The following ATP5PO variants were observed in gnomAD, a reference collection of about 807,000 sequenced individuals.
The protein encoded by ATP5PO is ATP synthase peripheral stalk subunit OSCP, mitochondrial.
ATP5PO carries 14 observed loss-of-function variants against 26.2 expected under a neutral mutation model. That is an observed-to-expected ratio of 0.53 (90% CI 0.35 to 0.83). The LOEUF is 0.83. ATP5PO is among the 40% of genes least tolerant of loss of function. The probability of loss-of-function intolerance (pLI) is 0.01; values close to 1 mark genes in which losing one functional copy is unlikely to be tolerated. For missense variants in ATP5PO, 241 were observed against 258.5 expected (o/e 0.93, Z 0.46); for synonymous variants, 106 against 95.1 (o/e 1.12, Z -0.67).
intron 5 of ATP5PO, 69 bp from the exon 6 acceptor site, chr21:33,904,090 A>G: frequency 7.2e-7 from 1 of 1,381,992 alleles, no homozygotes; most frequent in Non-Finnish European, 1.0e-6. Flanking sequence ...AAAATACCCC[A>G]GGCCCACATC....
chr21:33,908,515 C>T (rs1391052471), intron 4 of ATP5PO, among the ~76,000 whole-genome samples: 3 of 152,106 alleles, frequency 2.0e-5, no homozygotes, highest in East Asian at 3.9e-4. Flanking sequence ...CAAGACCAGG[C>T]TGGGCAACAT....
intron 3 of ATP5PO, among the ~76,000 whole-genome samples, chr21:33,909,455 G>A (rs1199344480): frequency 1.3e-5 from 2 of 152,078 alleles, no homozygotes; most frequent in Non-Finnish European, 2.9e-5. Context: ...TAGTAGAAAC[G>A]GGGTTTCGCC....
chr21:33,904,881 C>T (rs1987148377), intron 5 of ATP5PO, among the ~76,000 whole-genome samples: 1 of 152,148 alleles, frequency 6.6e-6, no homozygotes, highest in South Asian at 2.1e-4. Flanking sequence ...GCTGGAATTA[C>T]AGGCGCATGC....
chr21:33,904,125 T>G, intron 5 of ATP5PO, 104 bp from the exon 6 acceptor site: 1 of 934,240 alleles, frequency 1.1e-6, no homozygotes, highest in Non-Finnish European at 1.6e-6. Context: ...TGTGAGCTCC[T>G]CCCTTTGCTA....
At chr21:33,905,171 G>C (rs867263110) in intron 5 of ATP5PO, among the ~76,000 whole-genome samples, 1 of 152,048 alleles carries the variant, frequency 6.6e-6, no homozygotes, top group Non-Finnish European at 1.5e-5. Context: ...GGGGTGGGGG[G>C]TGCTGGTGGT....
chr21:33,904,857 C>T (rs1987148148), intron 5 of ATP5PO, among the ~76,000 whole-genome samples: 1 of 152,190 alleles, frequency 6.6e-6, no homozygotes, highest in African/African-American at 2.4e-5. Context: ...TCTCCTGCCT[C>T]AGCTTCCCAA....
chr21:33,911,765 C>T (rs972791605), intron 3 of ATP5PO, among the ~76,000 whole-genome samples: 1 of 141,736 alleles, frequency 7.1e-6, no homozygotes, highest in African/African-American at 2.6e-5. Flanking sequence ...TTCCCAGGTT[C>T]AAGCAATTCT....
intron 2 of ATP5PO, among the ~76,000 whole-genome samples, chr21:33,912,844 C>T (rs1987266733): frequency 1.3e-5 from 2 of 152,356 alleles, no homozygotes; most frequent in South Asian, 4.1e-4. Context: ...TACTTTTATA[C>T]ATTTCATACT....
chr21:33,914,419 T>G (rs1192186571), intron 2 of ATP5PO, 31 bp downstream of exon 2: 5 of 1,601,622 alleles, frequency 3.1e-6, no homozygotes, highest in Non-Finnish European at 3.4e-6. Flanking sequence ...TCGCGTACTT[T>G]ATCATTACAG....
intron 2 of ATP5PO, among the ~76,000 whole-genome samples, chr21:33,914,197 A>G (rs1248482693): frequency 2.0e-5 from 3 of 151,796 alleles, no homozygotes; most frequent in Non-Finnish European, 4.4e-5. Context: ...TAGCTTGCCT[A>G]TTTTAGAGGG....
At chr21:33,907,625 GGCCATGAGTTCAAGACCA>G (rs1015651309) in intron 4 of ATP5PO, among the ~76,000 whole-genome samples, 172 bp from the exon 5 acceptor site, 2 of 152,082 alleles carry the variant, frequency 1.3e-5, no homozygotes, top group African/African-American at 4.8e-5. Context: ...GATTGCTTGG[GGCCATGAGTTCAAGACCA>G]GCCAAAATAG....
intron 3 of ATP5PO, among the ~76,000 whole-genome samples, chr21:33,911,073 G>A (rs980907461): frequency 4.6e-5 from 7 of 152,184 alleles, no homozygotes; most frequent in Admixed American, 4.6e-4. Flanking sequence ...TTCCTCTGAA[G>A]AGGCTATATA....
Position 33,914,610 on chromosome 21 carries a change from CT to C in ATP5PO, c.37-111del. Reference sequence around the variant, plus strand: ...ATAACCTTAAAATCATTACTTTTGTCTCTTTGTATATTCACATATTACATGA... The same window carrying C: ...ATAACCTTAAAATCATTACTTTTGTCCTTTGTATATTCACATATTACATGA... On this transcript the variant is annotated intron_variant, in intron 1 of 6. Coordinates refer to ENST00000290299, the MANE Select transcript of ATP5PO (RefSeq NM_001697.3). 1.8e-5 allele frequency: 18 copies of C among 1,017,384 alleles called. No individual in the cohort carries two copies. In the South Asian group the frequency reaches 2.7e-4, roughly 15 times the overall value. 63.0% of individuals were successfully genotyped at this position (1,017,384 alleles called of 1,614,324 possible). A position where few individuals can be genotyped will look rare whatever the true frequency, so the allele number is the denominator to read the frequency against.
At chr21:33,909,619 G>A (rs1485532567) in intron 3 of ATP5PO, among the ~76,000 whole-genome samples, 3 of 152,036 alleles carry the variant, frequency 2.0e-5, no homozygotes, top group South Asian at 2.1e-4. Flanking sequence ...TAGCACTGCC[G>A]AAGAACATAT....
In ATP5PO at chr21:33,915,601, AG is replaced by A. The variant is rs980108939; in HGVS notation, c.36+126del. Reference sequence around the variant, plus strand: ...TCGTCCTGAGTCGCTCCCACTCGCCAGGTCCCATAACCTTGAAGACTGCCAG... The same window carrying A: ...TCGTCCTGAGTCGCTCCCACTCGCCAGTCCCATAACCTTGAAGACTGCCAG... On this transcript the variant is annotated intron_variant, in intron 1 of 6. Coordinates refer to ENST00000290299, the MANE Select transcript of ATP5PO (RefSeq NM_001697.3). 2.0e-5 allele frequency: 27 copies of A among 1,382,484 alleles called. No homozygotes were observed. In the African/African-American group the frequency reaches 2.9e-4, roughly 15 times the overall value. 85.6% of individuals were successfully genotyped at this position (1,382,484 alleles called of 1,614,324 possible).
chr21:33,910,825 G>A (rs1360836418), intron 3 of ATP5PO, among the ~76,000 whole-genome samples: 1 of 152,172 alleles, frequency 6.6e-6, no homozygotes, highest in Non-Finnish European at 1.5e-5. Context: ...GGAATATGGA[G>A]CTAAAATTAT....
At chr21:33,911,751 C>T (rs1378227030) in intron 3 of ATP5PO, among the ~76,000 whole-genome samples, 3 of 146,056 alleles carry the variant, frequency 2.1e-5, no homozygotes, top group African/African-American at 5.1e-5. Context: ...ACTGCAACCT[C>T]GGCTTCCCAG....
intron 2 of ATP5PO, among the ~76,000 whole-genome samples, chr21:33,913,105 T>G (rs114351306): frequency 0.024 from 3,580 of 152,310 alleles, 100 homozygotes; most frequent in African/African-American, 0.075. Context: ...CTCAGGTAAA[T>G]TTTCCCAGGG....
At chr21:33,907,812 C>G (rs1385525707) in intron 4 of ATP5PO, among the ~76,000 whole-genome samples, 1 of 152,008 alleles carries the variant, frequency 6.6e-6, no homozygotes, top group African/African-American at 2.4e-5. Flanking sequence ...GGCGACAGAG[C>G]AAGATCTTGT....
Sources: gnomAD v4.1 joint callset for allele counts (sites outside exome capture counted in the v4.1 genomes callset) on GRCh38, gnomAD v4.1.1 for gene constraint, MANE v1.5 for transcripts, NCBI Gene and HGNC (gene_info 2026-07-23, HGNC 2026-07-21) for gene names.